MYO15A: variants seen among roughly 807,000 people sequenced by gnomAD.
MYO15A encodes unconventional myosin-XV.
MYO15A carries 308 observed loss-of-function variants against 394.6 expected under a neutral mutation model. That is an observed-to-expected ratio of 0.78 (90% CI 0.71 to 0.86). The LOEUF is 0.86. MYO15A is among the 40% of genes least tolerant of loss of function. MYO15A has a pLI of 0.00. For synonymous variants in MYO15A, 1,957 were observed against 2,003.8 expected (o/e 0.98, Z 0.62); for missense variants, 4,606 against 4,799.1 (o/e 0.96, Z 1.19).
Position 18,162,674 on chromosome 17 carries a change from A to C in MYO15A, c.9607A>C (p.Met3203Leu). 6.2e-7 allele frequency: 1 copy of C among 1,613,936 alleles called. No individual in the cohort carries two copies. Among genetic ancestry groups the C allele is most frequent in the South Asian group, 1.1e-5 (1 of 91,082 alleles). ...ELPSSIELRA[M>L]LAGRSSKRQL... is the part of the protein sequence containing the mutation. ...CCCCAGCAGCATAGAGCTTCGGGCC[A>C]TGTTGGTGAGCATAGGGTGGGAGTG... Residue 3203 changes from methionine (M) to leucine (L), a missense_variant, in exon 58 of 66, where the codon ATG (methionine) becomes CTG (leucine). Around this residue, in one of 2 missense-constraint regions of MYO15A, gnomAD observed 2,776 missense variants for 3,109.3 expected, o/e 0.89. Transcript: ENST00000647165.
chr17:18,119,525 GCGA>G lies in MYO15A; in HGVS notation c.730_732del (p.Asp244del), dbSNP rs1352513569. ...GAGTATTATGACTATCACCGCGACGGCGACGACTACTACGACCGGCAGTCACTC... is the reference window on the plus strand; with the variant it reads ...GAGTATTATGACTATCACCGCGACGGCGACTACTACGACCGGCAGTCACTC... On this transcript the variant is annotated inframe_deletion, in exon 2 of 66. Coordinates refer to ENST00000647165, the MANE Select transcript of MYO15A (RefSeq NM_016239.4). The G allele has an allele frequency of 6.2e-7, 1 of 1,610,550 alleles. No individual in the cohort carries two copies. Among genetic ancestry groups the G allele is most frequent in the Non-Finnish European group, 8.5e-7 (1 of 1,179,970 alleles).
In MYO15A at chr17:18,132,062, C is replaced by T. The variant is rs2046177340; in HGVS notation, c.4207-391C>T. On this transcript the variant is annotated intron_variant, in intron 10 of 65. Transcript: ENST00000647165. This position sits in a 1 kb window ranked among gnomAD's most constrained non-coding sequence, Gnocchi z 4.6. ...TCTCTACGTTGTTCCCCACTATGTCCCAAGGGCCTAGGACAGGGCTTGGTG... is the reference window on the plus strand; with the variant it reads ...TCTCTACGTTGTTCCCCACTATGTCTCAAGGGCCTAGGACAGGGCTTGGTG... Among the ~76,000 whole-genome samples, 1 of 152,146 alleles carries T rather than the reference C, an allele frequency of 6.6e-6. No individual in the cohort carries two copies. The highest frequency in any genetic ancestry group is 2.1e-4 in the South Asian group (1 of 4,830).
chr17:18,120,057 G>T lies in MYO15A; in HGVS notation c.1257G>T (p.Pro419=). 1 of 1,613,364 alleles carries T rather than the reference G, an allele frequency of 6.2e-7. No individual in the cohort carries two copies. ...FVYPWVPPPI[P]SPHNPYAHAM... is the part of the protein sequence containing the mutation. ...ACCCCTGGGTACCACCGCCCATCCC[G>T]TCGCCCCACAACCCGTATGCCCACG... is the stretch of plus-strand genomic sequence containing the variant. The change falls in exon 2 of 66, where the codon CCG becomes CCT. Residue 419 remains proline, a synonymous_variant. Coordinates refer to ENST00000647165, the MANE Select transcript of MYO15A (RefSeq NM_016239.4).
chr17:18,160,917 T>G, intron 56 of MYO15A: 1 of 366,456 alleles, frequency 2.7e-6, no homozygotes, highest in Non-Finnish European at 5.3e-6. Flanking sequence ...TCCTCAGGAT[T>G]TTTAGAACCA....
At position 18,138,154 on chromosome 17, in the gene MYO15A, A is replaced by C; in HGVS notation, c.4915A>C (p.Thr1639Pro). The C allele has an allele frequency of 6.2e-7, 1 of 1,613,432 alleles. No individual in the cohort carries two copies. Reference sequence around the variant, plus strand: ...TGAGCAGATAGACTGGCAGGAGATCACCTTTGCTGACAACCAGCCCTGCAT... The same window carrying C: ...TGAGCAGATAGACTGGCAGGAGATCCCCTTTGCTGACAACCAGCCCTGCAT... ...IREQIDWQEI[T>P]FADNQPCINL... Residue 1639 changes from threonine (T) to proline (P), a missense_variant, in exon 17 of 66, where the codon ACC becomes CCC. Coordinates refer to ENST00000647165, the MANE Select transcript of MYO15A (RefSeq NM_016239.4).
At chr17:18,168,361 C>T (rs770423098) in intron 62 of MYO15A, among the ~76,000 whole-genome samples, 2 of 151,694 alleles carry the variant, frequency 1.3e-5, no homozygotes, top group Non-Finnish European at 2.9e-5. Flanking sequence ...GTCAGGAGAT[C>T]GAGACCATCC....
In MYO15A at chr17:18,147,971, T is replaced by C. The variant is rs1484555387; in HGVS notation, c.6510-58T>C. The C allele has an allele frequency of 1.9e-6, 3 of 1,608,298 alleles. No homozygotes were observed. In the East Asian group the frequency reaches 6.7e-5, roughly 36 times the overall value. ...ATTTCCTACCCCCACCCCGCAGCCC[T>C]CAGCCCCAAGCTAGCTTCAGATCCT... On this transcript the variant is annotated intron_variant, in intron 30 of 65. Coordinates refer to ENST00000647165, the MANE Select transcript of MYO15A (RefSeq NM_016239.4). The surrounding 1 kb of genome is among the most constrained non-coding windows in gnomAD (Gnocchi z 4.4).
chr17:18,161,486 T>A, intron 57 of MYO15A, 39 bp downstream of exon 57: 1 of 1,610,114 alleles, frequency 6.2e-7, no homozygotes, highest in Non-Finnish European at 8.5e-7. Flanking sequence ...GCTGCATGCT[T>A]CTCCCTTGGG....
At chr17:18,167,842 T>A in intron 62 of MYO15A, 119 bp downstream of exon 62, 4 of 1,438,152 alleles carry the variant, frequency 2.8e-6, no homozygotes, top group Non-Finnish European at 3.8e-6. Flanking sequence ...CTTATACCAG[T>A]GGGGCTATCT....
chr17:18,135,631 G>C, intron 12 of MYO15A, 80 bp from the exon 13 acceptor site: 2 of 1,386,224 alleles, frequency 1.4e-6, no homozygotes. Flanking sequence ...ATGAGCCACA[G>C]TGCCCGGCCC....
At position 18,133,245 on chromosome 17, in the gene MYO15A, A is replaced by G. The variant is rs1244698315; in HGVS notation, c.4341A>G (p.Ala1447=). ...YLNQGGNCEI[A]GKSDADDFRR... The stretch of plus-strand genomic sequence containing the variant: ...TGCAGGGTGGGAACTGTGAGATAGC[A>G]GGAAAGAGCGATGCAGATGACTTTC... Residue 1447 remains alanine, a synonymous_variant, in exon 12 of 66, where the codon GCA becomes GCG. Transcript: ENST00000647165. 5 of 1,614,166 alleles carry G rather than the reference A, an allele frequency of 3.1e-6. No homozygotes were observed. In the Admixed American group the frequency reaches 6.7e-5, roughly 22 times the overall value.
chr17:18,177,106 G>C (rs2047025246), intron 65 of MYO15A: 1 of 152,206 alleles, frequency 6.6e-6, no homozygotes, highest in Non-Finnish European at 1.5e-5. Context: ...CTCTGCCTCT[G>C]GCCTGTATGT....
chr17:18,164,104 A>C, intron 60 of MYO15A: 1 of 523,116 alleles, frequency 1.9e-6, no homozygotes, highest in Non-Finnish European at 3.5e-6. Context: ...GCTCAATGTG[A>C]GGACACAGGC....
rs553943205 is a variant in MYO15A, at chr17:18,124,792, T to C, written c.3692+227T>C. 2.0e-4 allele frequency: 118 copies of C among 596,610 alleles called. No homozygotes were observed. In the South Asian group the frequency reaches 2.3e-3, roughly 12 times the overall value. The allele number at this position is 596,610 out of a possible 1,614,324, so 37.0% of individuals were successfully genotyped here. ...AGCTGGCAGACGTTGCACAAATCGCTTTGTTTCTCTGCACCTCAGTTTCTC... is the reference window on the plus strand; with the variant it reads ...AGCTGGCAGACGTTGCACAAATCGCCTTGTTTCTCTGCACCTCAGTTTCTC... On this transcript the variant is annotated intron_variant, in intron 3 of 65. Transcript: ENST00000647165.
chr17:18,168,065 T>C (rs1046116360), intron 62 of MYO15A, among the ~76,000 whole-genome samples: 2 of 152,244 alleles, frequency 1.3e-5, no homozygotes, highest in African/African-American at 4.8e-5. Context: ...TTCACTGCAA[T>C]GCTGCTACAA....
rs1332335641 is a variant in MYO15A, at chr17:18,152,194, C to T, written c.7966+10C>T. The T allele has an allele frequency of 2.6e-6, 4 of 1,548,436 alleles. No homozygotes were observed. The South Asian group carries it at 3.6e-5, about 14-fold the overall frequency. On this transcript the variant is annotated intron_variant, in intron 42 of 65. Coordinates refer to ENST00000647165, the MANE Select transcript of MYO15A (RefSeq NM_016239.4). ...ATGGCACCCACTTCAGGTGAGAGGG[C>T]CAGGAGGGAGGGAGGGGAGGGTGTC... is the stretch of plus-strand genomic sequence containing the variant.
At chr17:18,161,527 C>G in intron 57 of MYO15A, 80 bp downstream of exon 57, 4 of 1,584,734 alleles carry the variant, frequency 2.5e-6, no homozygotes, top group Non-Finnish European at 8.6e-7. Context: ...GGAGGGGAAA[C>G]CCAGAGGGCC....
At chr17:18,151,011 C>G in intron 38 of MYO15A, 98 bp downstream of exon 38, 2 of 1,605,822 alleles carry the variant, frequency 1.2e-6, no homozygotes, top group Non-Finnish European at 1.7e-6. Context: ...CCTCTTTGAG[C>G]CCAGGAGCTC....
In MYO15A at chr17:18,159,682, CA is replaced by C; in HGVS notation, c.9303+4del. 6.2e-7 allele frequency: 1 copy of C among 1,614,114 alleles called. No individual in the cohort carries two copies. Among genetic ancestry groups the C allele is most frequent in the Middle Eastern group, 1.6e-4 (1 of 6,062 alleles). ...ACGTGCTTTGTAACCTCCTGAAGGT[CA>C]GTCCAGCCAACTTTGCCAGATGCCC... On this transcript the variant is annotated splice_donor_region_variant and intron_variant, in intron 55 of 65. Transcript: ENST00000647165.
Sources: gnomAD v4.1 joint callset for allele counts (sites outside exome capture counted in the v4.1 genomes callset) on GRCh38, gnomAD v4.1.1 for gene constraint, gnomAD v4.1.1 regional missense constraint, Gnocchi (gnomAD v3.1) non-coding constraint, MANE v1.5 for transcripts, NCBI Gene and HGNC (gene_info 2026-07-23, HGNC 2026-07-21) for gene names.